The following ZNF536 variants were observed in gnomAD, a reference collection of about 807,000 sequenced individuals.
The protein encoded by ZNF536 is zinc finger protein 536.
In ZNF536, 13 loss-of-function variants were observed where a neutral mutation model predicts 84.5. The ratio of observed to expected loss-of-function variants is 0.15; its 90% CI spans 0.10 to 0.24. The LOEUF is 0.24. Among genes scored for constraint, ZNF536 ranks in the 10% least tolerant of loss-of-function variants. The pLI is 1.00. For synonymous variants in ZNF536, 811 were observed against 742.5 expected (o/e 1.09, Z -1.50); for missense variants, 1,536 against 1,747.5 (o/e 0.88, Z 2.16).
rs542538573 is a variant in ZNF536, at chr19:30,686,495, C to CA, written c.170-24261dup. On this transcript the variant is annotated intron_variant, in intron 1 of 1. Transcript: ENST00000592773. ...CTGCAGCCCCCCCAAGTGGGGCTCA[C>CA]ACAGGGCGCGGTGGCCTCCCCTGGC... Among the ~76,000 whole-genome samples the CA allele has an allele frequency of 3.7e-3, 557 of 152,328 alleles. 3 individuals are homozygous for CA. Among genetic ancestry groups the CA allele is most frequent in the African/African-American group, 0.011 (457 of 41,582 alleles).
chr19:30,626,830 T>TC, intron 1 of ZNF536, among the ~76,000 whole-genome samples: 1 of 152,274 alleles, frequency 6.6e-6, no homozygotes, highest in East Asian at 1.9e-4. Context: ...GGCAGCCTGC[T>TC]CCCCGCACGG....
At chr19:30,500,750 A>G (rs2054916463) in intron 2 of ZNF536, among the ~76,000 whole-genome samples, 1 of 152,236 alleles carries the variant, frequency 6.6e-6, no homozygotes, top group Admixed American at 6.5e-5. Flanking sequence ...ATGATGTGGG[A>G]TGGACATGAG....
upstream of ZNF536, among the ~76,000 whole-genome samples, chr19:30,227,408 G>T (rs1312340894): frequency 3.9e-5 from 6 of 152,248 alleles, no homozygotes; most frequent in Non-Finnish European, 7.3e-5. Flanking sequence ...GCCAGGGGCT[G>T]GGGGCCGAGA....
At chr19:30,417,368 T>C (rs774376157) in intron 1 of ZNF536, among the ~76,000 whole-genome samples, 2 of 152,020 alleles carry the variant, frequency 1.3e-5, no homozygotes, top group Non-Finnish European at 2.9e-5. Flanking sequence ...GCTTCTTGTT[T>C]ATTTAGTGCC....
intron 1 of ZNF536, among the ~76,000 whole-genome samples, chr19:30,418,149 T>C (rs1050469040): frequency 2.6e-5 from 4 of 152,086 alleles, no homozygotes; most frequent in African/African-American, 7.2e-5. Context: ...TGCTGGAGGA[T>C]TTTTGATGTC....
intron 3 of ZNF536, among the ~76,000 whole-genome samples, chr19:30,542,120 T>TA (rs909323671): frequency 5.3e-5 from 8 of 151,932 alleles, no homozygotes; most frequent in Admixed American, 4.6e-4. Context: ...AAAAACAAAA[T>TA]AAAAAAACGA....
At chr19:30,483,286 A>C (rs2054160814) in intron 2 of ZNF536, among the ~76,000 whole-genome samples, 1 of 152,180 alleles carries the variant, frequency 6.6e-6, no homozygotes, top group Admixed American at 6.5e-5. Flanking sequence ...TTGGCAGGTC[A>C]GCTGGCCTCC....
rs558434068 is a variant in ZNF536 at position 30,404,381 on chromosome 19, C to G, written c.-3+31825C>G. ...CTCCAGCATCCTCAACTGCAGGCCA[C>G]TTGAGGTAGTGATGGCTTAGCAGTG... On this transcript the variant is annotated intron_variant, in intron 1 of 4. Transcript: ENST00000355537. Among the ~76,000 whole-genome samples the G allele has an allele frequency of 1.2e-4, 19 of 152,322 alleles. No homozygotes were observed. In the East Asian group the frequency reaches 3.5e-3, roughly 28 times the overall value.
chr19:30,593,723 G>A (rs2047350293), intron 1 of ZNF536, among the ~76,000 whole-genome samples: 1 of 152,160 alleles, frequency 6.6e-6, no homozygotes, highest in Non-Finnish European at 1.5e-5. Context: ...TCTAAGAACA[G>A]AGAAAAGCTA....
chr19:30,281,436 C>G (rs1405673254), intron 1 of ZNF536, among the ~76,000 whole-genome samples: 2 of 152,220 alleles, frequency 1.3e-5, no homozygotes, highest in Non-Finnish European at 2.9e-5. Flanking sequence ...AAGGGCTTGA[C>G]TCAACTCTGC....
At chr19:30,428,842 A>G (rs888961765) in intron 1 of ZNF536, among the ~76,000 whole-genome samples, 5 of 152,234 alleles carry the variant, frequency 3.3e-5, no homozygotes, top group Middle Eastern at 3.2e-3. Flanking sequence ...TGTGTTCAGC[A>G]TCAGCAAAGT....
intron 1 of ZNF536, among the ~76,000 whole-genome samples, chr19:30,650,381 A>G (rs543309002): frequency 6.6e-6 from 1 of 152,360 alleles, no homozygotes; most frequent in South Asian, 2.1e-4. Flanking sequence ...AACTTGGCCT[A>G]GAACTAAATG....
At chr19:30,287,889 A>G (rs979302987) in intron 2 of ZNF536, among the ~76,000 whole-genome samples, 1 of 152,214 alleles carries the variant, frequency 6.6e-6, no homozygotes, top group African/African-American at 2.4e-5. Context: ...TGTACCTTAG[A>G]ATATTGGGCT....
chr19:30,671,498 A>T (rs1021646785), intron 1 of ZNF536, among the ~76,000 whole-genome samples: 3 of 152,080 alleles, frequency 2.0e-5, no homozygotes, highest in African/African-American at 4.8e-5. Flanking sequence ...GCTTCATCCA[A>T]GTGACTCTGG....
intron 2 of ZNF536, among the ~76,000 whole-genome samples, chr19:30,295,468 C>T (rs2045968903): frequency 1.3e-5 from 2 of 152,228 alleles, no homozygotes; most frequent in Admixed American, 6.5e-5. Context: ...CCCCAACCCA[C>T]ATTTTCAGAT....
intron 1 of ZNF536, among the ~76,000 whole-genome samples, chr19:30,652,627 T>G (rs774675737): frequency 6.6e-6 from 1 of 152,192 alleles, no homozygotes; most frequent in Admixed American, 6.5e-5. Context: ...CGTCATTCTG[T>G]AGGACTCACC....
intron 1 of ZNF536, among the ~76,000 whole-genome samples, chr19:30,625,983 T>C (rs1529722): frequency 0.97 from 147,170 of 152,298 alleles, 71,190 homozygotes; most frequent in Non-Finnish European, 0.99. Flanking sequence ...TTTCCACACA[T>C]GTGGGCAAGA....
intron 1 of ZNF536, among the ~76,000 whole-genome samples, chr19:30,269,667 C>T (rs1332351890): frequency 6.6e-6 from 1 of 152,164 alleles, no homozygotes; most frequent in African/African-American, 2.4e-5. Flanking sequence ...ATTCCTCCTC[C>T]TACTATGAAT....
intron 1 of ZNF536, among the ~76,000 whole-genome samples, chr19:30,673,278 AG>A (rs948256723): frequency 1.3e-5 from 2 of 152,160 alleles, no homozygotes; most frequent in African/African-American, 2.4e-5. Context: ...CTGGCCCTTC[AG>A]GGGCACACAT....
Sources: allele counts gnomAD v4.1 joint callset (sites outside exome capture counted in the v4.1 genomes callset), GRCh38; gene constraint gnomAD v4.1.1; transcripts MANE v1.5; gene names NCBI Gene and HGNC (gene_info 2026-07-23, HGNC 2026-07-21).